Variants in PDE4B observed in about 807,000 individuals in gnomAD.
PDE4B encodes the protein phosphodiesterase 4B.
Under a neutral mutation model 82.2 loss-of-function variants are expected in PDE4B, and 20 were observed. The ratio of observed to expected loss-of-function variants is 0.24; its 90% CI spans 0.17 to 0.35. The LOEUF is 0.35. PDE4B is among the 10% of genes least tolerant of loss of function. PDE4B has a pLI of 1.00. For missense variants in PDE4B, 655 were observed against 907.2 expected (o/e 0.72, Z 3.57); for synonymous variants, 320 against 318.9 (o/e 1.00, Z -0.04).
intron 3 of PDE4B, among the ~76,000 whole-genome samples, chr1:66,003,491 G>A (rs1250956319): frequency 6.6e-6 from 1 of 152,100 alleles, no homozygotes; most frequent in Non-Finnish European, 1.5e-5. Flanking sequence ...GTCTATTTCA[G>A]GATCCGCATA....
At chr1:65,911,091 A>G (rs1421384365) in intron 1 of PDE4B, among the ~76,000 whole-genome samples, 1 of 152,196 alleles carries the variant, frequency 6.6e-6, no homozygotes, top group Non-Finnish European at 1.5e-5. Flanking sequence ...GAATTTATAT[A>G]GTAAGTTATC....
At chr1:66,016,770 A>G (rs17419964) in intron 3 of PDE4B, among the ~76,000 whole-genome samples, 31,597 of 152,172 alleles carry the variant, frequency 0.21, 4,006 homozygotes, top group Middle Eastern at 0.38. Flanking sequence ...TTTATCTTCT[A>G]ATTTTCTAAG....
intron 3 of PDE4B, chr1:65,993,200 T>G: frequency 7.8e-7 from 1 of 1,288,260 alleles, no homozygotes; most frequent in Non-Finnish European, 1.1e-6. Context: ...TTAGCACCAG[T>G]GATCTAGCAG....
At chr1:66,079,470 C>A (rs1656613408) in intron 3 of PDE4B, among the ~76,000 whole-genome samples, 1 of 152,048 alleles carries the variant, frequency 6.6e-6, no homozygotes, top group South Asian at 2.1e-4. Context: ...AAGTTCCCAG[C>A]AGATATTCTG....
intron 3 of PDE4B, among the ~76,000 whole-genome samples, chr1:66,200,642 C>T (rs1266962320): frequency 1.3e-5 from 2 of 152,094 alleles, no homozygotes; most frequent in Non-Finnish European, 2.9e-5. Flanking sequence ...ATTTGGCTCT[C>T]TGTTTGTCTG....
intron 3 of PDE4B, among the ~76,000 whole-genome samples, chr1:66,025,156 T>C (rs1227912804): frequency 6.6e-6 from 1 of 152,118 alleles, no homozygotes. Flanking sequence ...GATCACAATA[T>C]GGTAGCATTT....
intron 3 of PDE4B, among the ~76,000 whole-genome samples, chr1:65,974,951 G>A (rs755998857): frequency 6.6e-6 from 1 of 152,104 alleles, no homozygotes; most frequent in Non-Finnish European, 1.5e-5. Context: ...TGATACTGGG[G>A]GAGTGGGGCA....
intron 3 of PDE4B, among the ~76,000 whole-genome samples, chr1:65,948,062 C>A (rs1648800576): frequency 6.6e-6 from 1 of 150,636 alleles, no homozygotes. Context: ...AAGTGTCTTA[C>A]TGGCATATCC....
At chr1:66,102,701 G>A (rs1184176344) in intron 3 of PDE4B, among the ~76,000 whole-genome samples, 1 of 151,872 alleles carries the variant, frequency 6.6e-6, no homozygotes, top group East Asian at 1.9e-4. Context: ...AAATATAAGG[G>A]ATCTGCAAGA....
intron 1 of PDE4B, among the ~76,000 whole-genome samples, chr1:65,864,284 C>G (rs1185566459): frequency 6.6e-6 from 1 of 151,934 alleles, no homozygotes; most frequent in Non-Finnish European, 1.5e-5. Context: ...AAGTTCATAG[C>G]TTCCTTGCCT....
intron 3 of PDE4B, among the ~76,000 whole-genome samples, chr1:65,956,235 T>G (rs1397281554): frequency 6.6e-6 from 1 of 152,128 alleles, no homozygotes; most frequent in Non-Finnish European, 1.5e-5. Flanking sequence ...ATTTAAGGTT[T>G]GGGAAAGTCT....
chr1:65,992,631 G>T, intron 3 of PDE4B: 1 of 775,382 alleles, frequency 1.3e-6, no homozygotes, highest in Non-Finnish European at 1.7e-6. Flanking sequence ...GTAGCTTGCA[G>T]ACAAACCTCA....
intron 3 of PDE4B, among the ~76,000 whole-genome samples, chr1:66,026,876 C>T (rs933203944): frequency 4.6e-5 from 7 of 152,152 alleles, no homozygotes; most frequent in Non-Finnish European, 8.8e-5. Flanking sequence ...AGGGTGTGTG[C>T]GTCACCTTGC....
At chr1:65,906,887 C>T (rs1211460723) in intron 1 of PDE4B, among the ~76,000 whole-genome samples, 2 of 152,054 alleles carry the variant, frequency 1.3e-5, no homozygotes, top group Non-Finnish European at 2.9e-5. Context: ...TAAAAGGATG[C>T]CATTATGTCT....
intron 3 of PDE4B, among the ~76,000 whole-genome samples, chr1:66,196,007 G>A (rs920774922): frequency 6.6e-6 from 1 of 152,064 alleles, no homozygotes; most frequent in East Asian, 1.9e-4. Context: ...CGAGACCCCT[G>A]CAAGAAGCAG....
chr1:66,094,192 A>G (rs895335683), intron 3 of PDE4B, among the ~76,000 whole-genome samples: 2 of 152,058 alleles, frequency 1.3e-5, no homozygotes, highest in African/African-American at 4.8e-5. Flanking sequence ...GAGGAAGACA[A>G]TTCAAGGCAG....
At chr1:66,123,508 T>C (rs1645755199) in intron 3 of PDE4B, among the ~76,000 whole-genome samples, 1 of 151,842 alleles carries the variant, frequency 6.6e-6, no homozygotes, top group South Asian at 2.1e-4. Flanking sequence ...CCTCTCTCCT[T>C]TCTCCCTCCT....
chr1:66,207,463 C>T (rs1649643902), intron 3 of PDE4B, among the ~76,000 whole-genome samples: 2 of 152,204 alleles, frequency 1.3e-5, no homozygotes, highest in East Asian at 1.9e-4. Flanking sequence ...CAGTTAAGAC[C>T]AGCAGTTTAA....
At chr1:65,891,499 A>G (rs935668288) in intron 1 of PDE4B, among the ~76,000 whole-genome samples, 2 of 151,982 alleles carry the variant, frequency 1.3e-5, no homozygotes, top group African/African-American at 4.8e-5. Context: ...TCATTGGTGT[A>G]TCATCTTGTG....
Sources: allele counts gnomAD v4.1 joint callset (sites outside exome capture counted in the v4.1 genomes callset), GRCh38; gene constraint gnomAD v4.1.1; transcripts MANE v1.5; gene names NCBI Gene and HGNC (gene_info 2026-07-23, HGNC 2026-07-21).